Variants in GTF2B observed in about 807,000 individuals in gnomAD.
The protein encoded by GTF2B is transcription initiation factor IIB.
Under a neutral mutation model 34.6 loss-of-function variants are expected in GTF2B, and 20 were observed. That is an observed-to-expected ratio of 0.58 (90% CI 0.41 to 0.84). GTF2B has a LOEUF of 0.84. Ranked by LOEUF, GTF2B falls within the 40% of genes least tolerant of loss-of-function variation. GTF2B has a pLI of 0.00. For missense variants in GTF2B, 237 were observed against 393.3 expected (o/e 0.60, Z 3.36); for synonymous variants, 142 against 132.4 (o/e 1.07, Z -0.50).
At chr1:88,869,023 G>A (rs1673627111) in intron 2 of GTF2B, among the ~76,000 whole-genome samples, 1 of 152,132 alleles carries the variant, frequency 6.6e-6, no homozygotes, top group African/African-American at 2.4e-5. Context: ...ACAGGCGTGA[G>A]CCACCGCGCC....
intron 2 of GTF2B, among the ~76,000 whole-genome samples, chr1:88,878,565 C>G (rs1673864269): frequency 6.6e-6 from 1 of 152,160 alleles, no homozygotes; most frequent in Non-Finnish European, 1.5e-5. Flanking sequence ...TTTGTATTTT[C>G]CAAAGATGGC....
Position 88,864,105 on chromosome 1 carries a change from A to T in GTF2B, c.134T>A (p.Val45Asp). 6.2e-7 allele frequency: 1 copy of T among 1,613,852 alleles called. No homozygotes were observed. The highest frequency in any genetic ancestry group is 1.3e-5 in the African/African-American group (1 of 75,016). ...TCGCCATTCAGATCCCACATCAATA[A>T]CCCGGTCACCTAAGAATATAAGCAC... Reference protein sequence around the residue: ...PECGLVVGDRVIDVGSEWRTF... With the variant: ...PECGLVVGDRDIDVGSEWRTF... Residue 45 changes from valine (V) to aspartate (D), a missense_variant, in exon 3 of 7, where the codon GTT (valine) becomes GAT (aspartate). Val to Asp is a radical substitution (Grantham distance 152, BLOSUM62 -3). Around this residue, in one of 3 missense-constraint regions of GTF2B, gnomAD observed 130 missense variants for 170.9 expected, o/e 0.76. Coordinates refer to ENST00000370500, the MANE Select transcript of GTF2B (RefSeq NM_001514.6).
At chr1:88,879,564 A>G in intron 2 of GTF2B, among the ~76,000 whole-genome samples, 1 of 150,066 alleles carries the variant, frequency 6.7e-6, no homozygotes, top group Admixed American at 6.7e-5. Context: ...AGACTGGGCA[A>G]CAGAGTGAGA....
chr1:88,878,878 C>T (rs867330687), intron 2 of GTF2B, among the ~76,000 whole-genome samples: 4 of 152,114 alleles, frequency 2.6e-5, no homozygotes, highest in Non-Finnish European at 5.9e-5. Flanking sequence ...GATCCATGTG[C>T]GGAGGTCAAG....
intron 6 of GTF2B, among the ~76,000 whole-genome samples, chr1:88,854,531 C>T (rs890393787): frequency 3.3e-5 from 5 of 152,182 alleles, no homozygotes; most frequent in Non-Finnish European, 7.3e-5. Context: ...GAGATGGAAT[C>T]TTGCTCTGTC....
chr1:88,879,430 A>G (rs1322157780), intron 2 of GTF2B, among the ~76,000 whole-genome samples: 2 of 151,446 alleles, frequency 1.3e-5, no homozygotes, highest in Non-Finnish European at 2.9e-5. Context: ...AATACAAAAA[A>G]TTAGCCAGGT....
chr1:88,891,183 T>C (rs1280234107), intron 1 of GTF2B, among the ~76,000 whole-genome samples: 1 of 143,996 alleles, frequency 6.9e-6, no homozygotes, highest in African/African-American at 2.6e-5. Flanking sequence ...AAAGGGAGAT[T>C]GAAATATTGG....
Position 88,853,294 on chromosome 1 carries a change from T to C in GTF2B, c.870A>G (p.Arg290=), listed in dbSNP as rs968577692. Residue 290 remains arginine, a synonymous_variant, in exon 7 of 7, where the codon AGA becomes AGG. Coordinates refer to ENST00000370500, the MANE Select transcript of GTF2B (RefSeq NM_001514.6). ...VADVTIRQSY[R]LIYPRAPDLF... ...GATCTGGGGCTCGAGGATAGATCAG[T>C]CTATAGGACTGTCTGATTGTAACAT... The C allele has an allele frequency of 5.0e-6, 8 of 1,610,554 alleles. No homozygotes were observed. In the African/African-American group the frequency reaches 5.3e-5, roughly 11 times the overall value.
At chr1:88,860,531 AAC>A (rs1290003381) in intron 3 of GTF2B, among the ~76,000 whole-genome samples, 4 of 152,290 alleles carry the variant, frequency 2.6e-5, no homozygotes, top group African/African-American at 4.8e-5. Flanking sequence ...TGGAAAAAGA[AAC>A]AGTCTAATTT....
At chr1:88,874,148 G>T (rs553854649) in intron 2 of GTF2B, among the ~76,000 whole-genome samples, 3 of 152,256 alleles carry the variant, frequency 2.0e-5, no homozygotes, top group Non-Finnish European at 4.4e-5. Context: ...GTATTTCATA[G>T]CGCAATGTGA....
At chr1:88,890,154 A>C (rs1391314035) in intron 1 of GTF2B, among the ~76,000 whole-genome samples, 2 of 146,336 alleles carry the variant, frequency 1.4e-5, no homozygotes, top group Non-Finnish European at 2.9e-5. Flanking sequence ...GCCATGATAG[A>C]ATTAAAAAAA....
At chr1:88,887,395 T>G in intron 1 of GTF2B, 28 bp from the exon 2 acceptor site, 2 of 1,289,372 alleles carry the variant, frequency 1.6e-6, no homozygotes, top group East Asian at 4.6e-5. Context: ...TATTTTTACA[T>G]CTTCCCAACC....
At chr1:88,875,590 C>T (rs1673798940) in intron 2 of GTF2B, among the ~76,000 whole-genome samples, 1 of 152,182 alleles carries the variant, frequency 6.6e-6, no homozygotes, top group East Asian at 1.9e-4. Flanking sequence ...GCATAGGTTT[C>T]TTTTTCTCTT....
At chr1:88,891,418 C>G in intron 1 of GTF2B, 65 bp downstream of exon 1, 2 of 1,336,552 alleles carry the variant, frequency 1.5e-6, no homozygotes, top group South Asian at 1.2e-5. Flanking sequence ...GCCCGGAGGC[C>G]GCCTAAAAGC....
chr1:88,889,253 A>G (rs1014464727), intron 1 of GTF2B, among the ~76,000 whole-genome samples: 2 of 152,230 alleles, frequency 1.3e-5, no homozygotes, highest in Admixed American at 1.3e-4. Context: ...CTTTTGGACC[A>G]TTTGTATGTG....
chr1:88,866,638 G>C (rs2100968635), intron 2 of GTF2B, among the ~76,000 whole-genome samples: 1 of 152,256 alleles, frequency 6.6e-6, no homozygotes, highest in African/African-American at 2.4e-5. Context: ...GAACCCCTAG[G>C]CTCAAGTGAT....
intron 2 of GTF2B, among the ~76,000 whole-genome samples, chr1:88,884,663 CTGTTG>C (rs771880202): frequency 8.5e-4 from 130 of 152,218 alleles, no homozygotes; most frequent in Middle Eastern, 6.8e-3. Flanking sequence ...TGAAAAAATT[CTGTTG>C]TGTTAAGATA....
At chr1:88,858,140 C>T (rs922318472) in intron 5 of GTF2B, among the ~76,000 whole-genome samples, 2 of 151,714 alleles carry the variant, frequency 1.3e-5, no homozygotes, top group Admixed American at 1.3e-4. Context: ...GTTGGGATTA[C>T]AGGCGCCTGC....
intron 3 of GTF2B, among the ~76,000 whole-genome samples, chr1:88,862,258 C>T (rs1367268754): frequency 1.3e-5 from 2 of 152,160 alleles, no homozygotes; most frequent in East Asian, 3.8e-4. Flanking sequence ...ATATTTCTAT[C>T]TTGCCCAGGG....
Sources: allele counts gnomAD v4.1 joint callset (sites outside exome capture counted in the v4.1 genomes callset), GRCh38; gene constraint gnomAD v4.1.1; regional missense constraint gnomAD v4.1.1; transcripts MANE v1.5; gene names NCBI Gene and HGNC (gene_info 2026-07-23, HGNC 2026-07-21).